NLGN2: variants seen among roughly 807,000 people sequenced by gnomAD.
NLGN2 encodes the protein neuroligin-2.
Under a neutral mutation model 48.6 loss-of-function variants are expected in NLGN2, and 11 were observed. That is an observed-to-expected ratio of 0.23 (90% CI 0.14 to 0.37). The LOEUF (loss-of-function observed/expected upper bound fraction) is 0.37, where lower values mean the gene tolerates loss of function less well. Ranked by LOEUF, NLGN2 falls within the 10% of genes least tolerant of loss-of-function variation. NLGN2 has a pLI of 1.00. For missense variants in NLGN2, 801 were observed against 1,225.2 expected (o/e 0.65, Z 5.17); for synonymous variants, 548 against 550.0 (o/e 1.00, Z 0.05).
chr17:7,415,148 G>A lies in NLGN2; in HGVS notation c.1037G>A (p.Arg346His), dbSNP rs1427185688. 6.3e-7 allele frequency: 1 copy of A among 1,590,982 alleles called. No individual in the cohort carries two copies. ...ELVDQDVQPA[R>H]YHIAFGPVVD... ...GTGGACCAGGACGTGCAGCCTGCCC[G>A]GTATGGGGTGGGAGAGGGCTGGGTC... The change falls in exon 5 of 7, where the codon CGC becomes CAC. Residue 346 changes from arginine (R) to histidine (H), a missense_variant and splice_region_variant. Transcript: ENST00000302926.
rs1264109923 is a variant in NLGN2, at chr17:7,417,044, C to T, written c.1753C>T (p.Leu585=). ...GGAGAAGCAGTATCTGCACATAGGC[C>T]TGAAGCCACGCGTGCGTGACAACTA... is the stretch of plus-strand genomic sequence containing the variant. ...SKEKQYLHIG[L]KPRVRDNYRA... The change falls in exon 7 of 7, where the codon CTG becomes TTG. Residue 585 remains leucine (L), a synonymous_variant. Coordinates refer to ENST00000302926, the MANE Select transcript of NLGN2 (RefSeq NM_020795.4). 6.2e-7 allele frequency: 1 copy of T among 1,614,156 alleles called. No homozygotes were observed. The highest frequency in any genetic ancestry group is 1.7e-5 in the Admixed American group (1 of 60,034).
In NLGN2 at chr17:7,411,493, G is replaced by T. The variant is rs903952122; in HGVS notation, c.458-664G>T. On this transcript the variant is annotated intron_variant, in intron 1 of 6. Coordinates refer to ENST00000302926, the MANE Select transcript of NLGN2 (RefSeq NM_020795.4). The surrounding 1 kb of genome is among the most constrained non-coding windows in gnomAD (Gnocchi z 4.5). ...CTGGTGGTGAGGCTGGGTAGCGGGC[G>T]GGCAGCCCCAGCTGACCTTCCCATA... Among the ~76,000 whole-genome samples, 1 of 152,204 alleles carries T rather than the reference G, an allele frequency of 6.6e-6. No individual in the cohort carries two copies. The highest frequency in any genetic ancestry group is 1.5e-5 in the Non-Finnish European group (1 of 68,016).
chr17:7,412,117 A>G (rs1396479401), intron 1 of NLGN2, 40 bp from the exon 2 acceptor site: 1 of 1,461,880 alleles, frequency 6.8e-7, no homozygotes. Flanking sequence ...TTTCCCCACA[A>G]AATTGTCCTT....
chr17:7,417,973 G>A lies in NLGN2; in HGVS notation c.*174G>A. ...ATGCGTGTCTTTCCCACGCAGAGAA[G>A]CCCAGTCTCTTCTCTGGATCTGGGC... On this transcript the variant is annotated 3_prime_UTR_variant, in exon 7 of 7. Coordinates refer to ENST00000302926, the MANE Select transcript of NLGN2 (RefSeq NM_020795.4). 4.0e-6 allele frequency: 2 copies of A among 496,330 alleles called. No individual in the cohort carries two copies. The highest frequency in any genetic ancestry group is 4.4e-5 in the Admixed American group (1 of 22,556). 30.7% of individuals were successfully genotyped at this position (496,330 alleles called of 1,614,324 possible). A position where few individuals can be genotyped will look rare whatever the true frequency, so the allele number is the denominator to read the frequency against.
upstream of NLGN2, among the ~76,000 whole-genome samples, chr17:7,407,695 G>A (rs1228272056): frequency 6.6e-6 from 1 of 152,074 alleles, no homozygotes; most frequent in Non-Finnish European, 1.5e-5. Flanking sequence ...AGCATGCTGG[G>A]TCTGGAGAGC....
chr17:7,410,833 C>T (rs1016326864), intron 1 of NLGN2, among the ~76,000 whole-genome samples: 1 of 152,214 alleles, frequency 6.6e-6, no homozygotes, highest in Non-Finnish European at 1.5e-5. Flanking sequence ...CGCACACACA[C>T]ACGCGCTTCA....
At position 7,411,173 on chromosome 17, in the gene NLGN2, G is replaced by A. The variant is rs1906871074; in HGVS notation, c.458-984G>A. On this transcript the variant is annotated intron_variant, in intron 1 of 6. Coordinates refer to ENST00000302926, the MANE Select transcript of NLGN2 (RefSeq NM_020795.4). This position sits in a 1 kb window ranked among gnomAD's most constrained non-coding sequence, Gnocchi z 4.5. ...GGCACCTGTGTGCCAGGCTGGCTCAGGGCACTGTGTTCCTCGTTCCCTATC... is the reference window on the plus strand; with the variant it reads ...GGCACCTGTGTGCCAGGCTGGCTCAAGGCACTGTGTTCCTCGTTCCCTATC... Among the ~76,000 whole-genome samples the A allele has an allele frequency of 6.6e-6, 1 of 152,244 alleles. No homozygotes were observed. The highest frequency in any genetic ancestry group is 2.4e-5 in the African/African-American group (1 of 41,458).
Position 7,413,215 on chromosome 17 carries a change from G to C in NLGN2, c.508+1008G>C, listed in dbSNP as rs1906970516. On this transcript the variant is annotated intron_variant, in intron 2 of 6. Transcript: ENST00000302926. This position sits in a 1 kb window ranked among gnomAD's most constrained non-coding sequence, Gnocchi z 4.9. The stretch of plus-strand genomic sequence containing the variant: ...AGTCAGGAGCATGGGGGCTGCACAG[G>C]GGGTCTTAGGGATGGGAGGCAGGAA... Among the ~76,000 whole-genome samples, 1 of 152,234 alleles carries C rather than the reference G, an allele frequency of 6.6e-6. No homozygotes were observed. Among genetic ancestry groups the C allele is most frequent in the South Asian group, 2.1e-4 (1 of 4,836 alleles).
chr17:7,411,383 AC>A lies in NLGN2; in HGVS notation c.458-772del, dbSNP rs1178192776. Among the ~76,000 whole-genome samples, 1 of 152,040 alleles carries A rather than the reference AC, an allele frequency of 6.6e-6. No homozygotes were observed. Among genetic ancestry groups the A allele is most frequent in the Non-Finnish European group, 1.5e-5 (1 of 68,010 alleles). ...GGGTTGAGCTGGAGCGGAGGGCAAGACCTGATGACCCCCTTCCCTGCTTTGC... is the reference window on the plus strand; with the variant it reads ...GGGTTGAGCTGGAGCGGAGGGCAAGACTGATGACCCCCTTCCCTGCTTTGC... On this transcript the variant is annotated intron_variant, in intron 1 of 6. Coordinates refer to ENST00000302926, the MANE Select transcript of NLGN2 (RefSeq NM_020795.4). This position sits in a 1 kb window ranked among gnomAD's most constrained non-coding sequence, Gnocchi z 4.5.
Position 7,418,070 on chromosome 17 carries a change from T to G in NLGN2, c.*271T>G. The G allele has an allele frequency of 2.3e-5, 6 of 263,602 alleles. No homozygotes were observed. The highest frequency in any genetic ancestry group is 2.9e-5 in the Non-Finnish European group (4 of 138,812). The allele number at this position is 263,602 out of a possible 1,614,324, so 16.3% of individuals were successfully genotyped here. A position where few individuals can be genotyped will look rare whatever the true frequency, so the allele number is the denominator to read the frequency against. On this transcript the variant is annotated 3_prime_UTR_variant, in exon 7 of 7. Transcript: ENST00000302926. ...TCTTCGGTGTGTGGAATGTGGTATTTTCCCGCGTGGAGGTGTGCTTTCTCA... is the reference window on the plus strand; with the variant it reads ...TCTTCGGTGTGTGGAATGTGGTATTGTCCCGCGTGGAGGTGTGCTTTCTCA...
chr17:7,414,332 C>CA lies in NLGN2; in HGVS notation c.509-12_509-11insA. 1 of 1,610,328 alleles carries CA rather than the reference C, an allele frequency of 6.2e-7. No homozygotes were observed. Among genetic ancestry groups the CA allele is most frequent in the South Asian group, 1.1e-5 (1 of 90,968 alleles). ...GACCCCCTGGCCCACCTGCCCACCC[C>CA]TCCCCACACAGATATCCGTGACCCT... On this transcript the variant is annotated splice_polypyrimidine_tract_variant and intron_variant, in intron 2 of 6. Coordinates refer to ENST00000302926, the MANE Select transcript of NLGN2 (RefSeq NM_020795.4).
In NLGN2 at chr17:7,417,424, G is replaced by T; in HGVS notation, c.2133G>T (p.Arg711=). The part of the protein sequence containing the change: ...RDRRQELRCR[R]LSPPGGSGSG... ...GGCGGCAGGAGCTGCGGTGCAGGCG[G>T]CTTAGCCCACCTGGCGGCTCAGGCT... is the stretch of plus-strand genomic sequence containing the variant. Residue 711 remains arginine, a synonymous_variant, in exon 7 of 7, where the codon CGG becomes CGT. Transcript: ENST00000302926. 1 of 1,604,920 alleles carries T rather than the reference G, an allele frequency of 6.2e-7. No homozygotes were observed. The highest frequency in any genetic ancestry group is 8.5e-7 in the Non-Finnish European group (1 of 1,176,924).
chr17:7,414,547 G>C (rs1167365811), intron 3 of NLGN2, 54 bp downstream of exon 3: 54 of 1,611,596 alleles, frequency 3.4e-5, no homozygotes, highest in Non-Finnish European at 4.4e-5. Context: ...GGTGGGCCTG[G>C]TGGGCAGGGT....
Position 7,411,145 on chromosome 17 carries a change from G to A in NLGN2, c.458-1012G>A, listed in dbSNP as rs1906869460. Reference sequence around the variant, plus strand: ...GGCGAACCTGGTGCTCCCGGTACCTGCTGGCACCTGTGTGCCAGGCTGGCT... The same window carrying A: ...GGCGAACCTGGTGCTCCCGGTACCTACTGGCACCTGTGTGCCAGGCTGGCT... On this transcript the variant is annotated intron_variant, in intron 1 of 6. Coordinates refer to ENST00000302926, the MANE Select transcript of NLGN2 (RefSeq NM_020795.4). The surrounding 1 kb of genome is among the most constrained non-coding windows in gnomAD (Gnocchi z 4.5). 6.6e-6 allele frequency among the ~76,000 whole-genome samples: 1 copy of A among 152,240 alleles called. No homozygotes were observed. Among genetic ancestry groups the A allele is most frequent in the South Asian group, 2.1e-4 (1 of 4,836 alleles).
Position 7,418,026 on chromosome 17 carries a change from C to T in NLGN2, c.*227C>T, listed in dbSNP as rs1342697787. The T allele has an allele frequency of 2.8e-6, 1 of 358,540 alleles. No homozygotes were observed. Among genetic ancestry groups the T allele is most frequent in the East Asian group, 4.1e-5 (1 of 24,242 alleles). The allele number at this position is 358,540 out of a possible 1,614,324, so 22.2% of individuals were successfully genotyped here. On this transcript the variant is annotated 3_prime_UTR_variant, in exon 7 of 7. Transcript: ENST00000302926. The stretch of plus-strand genomic sequence containing the variant: ...TTGAACAACTGGGGGGCGTTTTCTC[C>T]CCCCCATTGGGACACCAGTCTTCGG...
In NLGN2 at chr17:7,417,212, C is replaced by T. The variant is rs1198293425; in HGVS notation, c.1921C>T (p.Arg641Cys). 2.6e-6 allele frequency: 4 copies of T among 1,533,044 alleles called. No individual in the cohort carries two copies. The highest frequency in any genetic ancestry group is 2.6e-6 in the Non-Finnish European group (3 of 1,143,074). The allele number at this position is 1,533,044 out of a possible 1,614,324, so 95.0% of individuals were successfully genotyped here. ...TCCCCCCGCTGGCGCCCCGGGCACA[C>T]GCCGGCCCCCGCCGCCTGCCACCCT... ...PRPPAGAPGT[R>C]RPPPPATLPP... is the part of the protein sequence containing the mutation. The change falls in exon 7 of 7, where the codon CGC (arginine) becomes TGC (cysteine). Residue 641 changes from arginine to cysteine, a missense_variant. By Grantham distance (180) the Arg-to-Cys change is radical (BLOSUM62 -3). This residue lies in a region of NLGN2 where 276 missense variants were observed against 313.9 expected (regional missense o/e 0.88). Coordinates refer to ENST00000302926, the MANE Select transcript of NLGN2 (RefSeq NM_020795.4).
At position 7,408,684 on chromosome 17, in the gene NLGN2, C is replaced by T. The variant is rs1262745536; in HGVS notation, c.429C>T (p.Tyr143=). 3 of 1,613,208 alleles carry T rather than the reference C, an allele frequency of 1.9e-6. No individual in the cohort carries two copies. Among genetic ancestry groups the T allele is most frequent in the Non-Finnish European group, 2.5e-6 (3 of 1,179,822 alleles). The change falls in exon 1 of 7, where the codon TAC becomes TAT. Residue 143 remains tyrosine (Y), a synonymous_variant. Transcript: ENST00000302926. The surrounding 1 kb of genome is among the most constrained non-coding windows in gnomAD (Gnocchi z 7.5). ...AGAACCAGAGCGAGGACTGCCTGTA[C>T]CTCAACCTCTACGTGCCCACCGAGG... is the stretch of plus-strand genomic sequence containing the variant. ...YVQNQSEDCL[Y]LNLYVPTEDG...
intron 1 of NLGN2, among the ~76,000 whole-genome samples, chr17:7,409,182 C>G (rs553990578): frequency 6.6e-6 from 1 of 152,248 alleles, no homozygotes; most frequent in East Asian, 1.9e-4. Flanking sequence ...GGCTCTCCCT[C>G]TCCCCCTGGC....
At position 7,417,777 on chromosome 17, in the gene NLGN2, C is replaced by A; in HGVS notation, c.2486C>A (p.Pro829His). 1.4e-6 allele frequency: 2 copies of A among 1,386,706 alleles called. No homozygotes were observed. Among genetic ancestry groups the A allele is most frequent in the South Asian group, 1.7e-5 (1 of 60,210 alleles). 85.9% of individuals were successfully genotyped at this position (1,386,706 alleles called of 1,614,324 possible). A position where few individuals can be genotyped will look rare whatever the true frequency, so the allele number is the denominator to read the frequency against. ...AGCCACAACAACACGCTACCCCACC[C>A]CCACTCCACCACTCGGGTATAGGGG... ...ATSHNNTLPH[P>H]HSTTRV The change falls in exon 7 of 7, where the codon CCC (proline) becomes CAC (histidine). Residue 829 changes from proline to histidine, a missense_variant. Around this residue, in one of 5 missense-constraint regions of NLGN2, gnomAD observed 276 missense variants for 313.9 expected, o/e 0.88. Transcript: ENST00000302926.
Sources: gnomAD v4.1 joint callset for allele counts (sites outside exome capture counted in the v4.1 genomes callset) on GRCh38, gnomAD v4.1.1 for gene constraint, gnomAD v4.1.1 regional missense constraint, Gnocchi (gnomAD v3.1) non-coding constraint, MANE v1.5 for transcripts, NCBI Gene and HGNC (gene_info 2026-07-23, HGNC 2026-07-21) for gene names.